DNTTIP1: variants seen among roughly 807,000 people sequenced by gnomAD.
DNTTIP1 encodes deoxynucleotidyltransferase terminal-interacting protein 1.
In DNTTIP1, 22 loss-of-function variants were observed where a neutral mutation model predicts 52.9. The observed-to-expected ratio is 0.42, with a 90% CI of 0.30 to 0.59. The LOEUF (loss-of-function observed/expected upper bound fraction) is 0.59, where lower values mean the gene tolerates loss of function less well. DNTTIP1 is among the 20% of genes least tolerant of loss of function. The probability of loss-of-function intolerance (pLI) is 0.22; values close to 1 mark genes in which losing one functional copy is unlikely to be tolerated. For missense variants in DNTTIP1, 286 were observed against 435.5 expected (o/e 0.66, Z 3.06); for synonymous variants, 136 against 155.1 (o/e 0.88, Z 0.92).
At chr20:45,795,496 C>T in intron 4 of DNTTIP1, 53 bp downstream of exon 4, 2 of 1,176,730 alleles carry the variant, frequency 1.7e-6, no homozygotes, top group Non-Finnish European at 2.5e-6. Context: ...TCTCGAGCCT[C>T]TGATAAGAAA....
At chr20:45,796,055 T>C (rs576758932) in intron 4 of DNTTIP1, among the ~76,000 whole-genome samples, 181 of 151,866 alleles carry the variant, frequency 1.2e-3, no homozygotes, top group African/African-American at 4.2e-3. Flanking sequence ...AAGCAGAGAG[T>C]AGAATGGCAG....
intron 3 of DNTTIP1, 111 bp downstream of exon 3, chr20:45,794,128 CT>C (rs1981148036): frequency 1.7e-6 from 1 of 593,932 alleles, no homozygotes; most frequent in Non-Finnish European, 2.8e-6. Flanking sequence ...TAAAGTTTTC[CT>C]TTCTTGTTGT....
chr20:45,791,965 G>C lies in DNTTIP1; in HGVS notation c.-40G>C, dbSNP rs753172412. 8.3e-7 allele frequency: 1 copy of C among 1,202,156 alleles called. No homozygotes were observed. Among genetic ancestry groups the C allele is most frequent in the Non-Finnish European group, 1.0e-6 (1 of 957,282 alleles). The allele number at this position is 1,202,156 out of a possible 1,614,324, so 74.5% of individuals were successfully genotyped here. A position where few individuals can be genotyped will look rare whatever the true frequency, so the allele number is the denominator to read the frequency against. On this transcript the variant is annotated 5_prime_UTR_variant, in exon 1 of 13. Transcript: ENST00000372622. ...GACGTCACGGCGCCACTTTCCGGCCGGTGACAGAGTCCAGCGGAGTTGTGG... is the reference window on the plus strand; with the variant it reads ...GACGTCACGGCGCCACTTTCCGGCCCGTGACAGAGTCCAGCGGAGTTGTGG...
chr20:45,804,826 C>T (rs1981581953), intron 8 of DNTTIP1, among the ~76,000 whole-genome samples: 1 of 152,212 alleles, frequency 6.6e-6, no homozygotes, highest in Non-Finnish European at 1.5e-5. Flanking sequence ...TCTAAGGAAG[C>T]CTTCCTGGCT....
chr20:45,800,686 AAAAAAAAAATATATATATAT>A (rs1981401986), intron 4 of DNTTIP1, among the ~76,000 whole-genome samples: 1 of 57,632 alleles, frequency 1.7e-5, no homozygotes, highest in African/African-American at 9.2e-5. Flanking sequence ...ATTTAAAAAA[AAAAAAAAAATATATATATAT>A]ATATATATAT....
Position 45,800,690 on chromosome 20 carries a change from AAAAAATATATATATATATATATATATAT to A in DNTTIP1, c.373-382_373-355del, listed in dbSNP as rs1424724027. ...ACTCCATCTCAATTTAAAAAAAAAA[AAAAAATATATATATATATATATATATAT>A]ATATATATATATATATATATATATA... On this transcript the variant is annotated intron_variant, in intron 4 of 12. Coordinates refer to ENST00000372622, the MANE Select transcript of DNTTIP1 (RefSeq NM_052951.3). Among the ~76,000 whole-genome samples, 69 of 52,348 alleles carry A rather than the reference AAAAAATATATATATATATATATATATAT, an allele frequency of 1.3e-3. 5 individuals are homozygous for A. The highest frequency in any genetic ancestry group is 3.9e-3 in the Admixed American group (13 of 3,306). 34.3% of individuals were successfully genotyped at this position (52,348 alleles called of 152,430 possible). A position where few individuals can be genotyped will look rare whatever the true frequency, so the allele number is the denominator to read the frequency against.
intron 8 of DNTTIP1, among the ~76,000 whole-genome samples, chr20:45,803,865 G>C (rs1469347503): frequency 6.6e-6 from 1 of 152,164 alleles, no homozygotes; most frequent in Non-Finnish European, 1.5e-5. Flanking sequence ...TGATCGAGCT[G>C]AGTCTCAAAC....
At chr20:45,796,361 C>A in intron 4 of DNTTIP1, 3 of 409,362 alleles carry the variant, frequency 7.3e-6, no homozygotes, top group Middle Eastern at 4.4e-4. Context: ...ATCAATAGAG[C>A]TAGAAAAAAA....
intron 4 of DNTTIP1, among the ~76,000 whole-genome samples, chr20:45,799,116 C>T (rs1274040152): frequency 6.6e-6 from 1 of 152,160 alleles, no homozygotes; most frequent in Non-Finnish European, 1.5e-5. Flanking sequence ...GTATATAAGT[C>T]TAGAGCTCAG....
At chr20:45,792,521 G>A (rs995374217) in intron 1 of DNTTIP1, 156 bp from the exon 2 acceptor site, 1 of 561,240 alleles carries the variant, frequency 1.8e-6, no homozygotes, top group Non-Finnish European at 3.1e-6. Context: ...CTTTTGTGGA[G>A]GAGGCCTTAC....
chr20:45,792,189 G>C (rs1392414280), intron 1 of DNTTIP1, 80 bp downstream of exon 1: 1 of 878,408 alleles, frequency 1.1e-6, no homozygotes, highest in East Asian at 3.3e-5. Flanking sequence ...GCGGGCGAGA[G>C]AACGCGGAGG....
At chr20:45,800,259 TTATG>T (rs1484141016) in intron 4 of DNTTIP1, among the ~76,000 whole-genome samples, 2 of 152,294 alleles carry the variant, frequency 1.3e-5, no homozygotes, top group African/African-American at 4.8e-5. Flanking sequence ...TAATAGTAGT[TTATG>T]TAATGAGATT....
In DNTTIP1 at chr20:45,792,004, C is replaced by T. The variant is rs1414039096; in HGVS notation, c.-1C>T. On this transcript the variant is annotated 5_prime_UTR_variant, in exon 1 of 13. Coordinates refer to ENST00000372622, the MANE Select transcript of DNTTIP1 (RefSeq NM_052951.3). ...GCGGAGTTGTGGGGGCCGGGGGCGC[C>T]ATGGGAGCCACTGGCGACGCCGAGC... is the stretch of plus-strand genomic sequence containing the variant. 7 of 1,258,944 alleles carry T rather than the reference C, an allele frequency of 5.6e-6. No homozygotes were observed. Among genetic ancestry groups the T allele is most frequent in the Non-Finnish European group, 7.0e-6 (7 of 1,000,748 alleles). The allele number at this position is 1,258,944 out of a possible 1,614,324, so 78.0% of individuals were successfully genotyped here. A position where few individuals can be genotyped will look rare whatever the true frequency, so the allele number is the denominator to read the frequency against.
At position 45,792,024 on chromosome 20, in the gene DNTTIP1, C is replaced by A; in HGVS notation, c.20C>A (p.Ala7Asp). 1 of 1,270,444 alleles carries A rather than the reference C, an allele frequency of 7.9e-7. No individual in the cohort carries two copies. Among genetic ancestry groups the A allele is most frequent in the East Asian group, 2.9e-5 (1 of 34,560 alleles). 78.7% of individuals were successfully genotyped at this position (1,270,444 alleles called of 1,614,324 possible). A position where few individuals can be genotyped will look rare whatever the true frequency, so the allele number is the denominator to read the frequency against. The change falls in exon 1 of 13, where the codon GCC becomes GAC. Residue 7 changes from alanine (A) to aspartate (D), a missense_variant. Transcript: ENST00000372622. ...GGCGCCATGGGAGCCACTGGCGACG[C>A]CGAGCAGCCGCGGGGACCTAGCGGG... The part of the protein sequence containing the change: MGATGD[A>D]EQPRGPSGAE...
chr20:45,803,033 T>TCACAAA lies in DNTTIP1; in HGVS notation c.558-294_558-289dup. 8.3e-6 allele frequency: 3 copies of TCACAAA among 360,856 alleles called. No individual in the cohort carries two copies. In the South Asian group the frequency reaches 1.1e-4, roughly 13 times the overall value. 22.4% of individuals were successfully genotyped at this position (360,856 alleles called of 1,614,324 possible). The stretch of plus-strand genomic sequence containing the variant: ...CTCCTACACGAAGCAGTTTTATTCC[T>TCACAAA]CACAAACACAAGATAGGTAGGGCAG... On this transcript the variant is annotated intron_variant, in intron 7 of 12. Transcript: ENST00000372622.
intron 1 of DNTTIP1, 38 bp downstream of exon 1, chr20:45,792,147 G>C: frequency 4.2e-6 from 5 of 1,182,498 alleles, no homozygotes; most frequent in Non-Finnish European, 5.4e-6. Flanking sequence ...CTCAGGCCGG[G>C]CACGGCCTCG....
At chr20:45,806,449 A>T (rs540792949) in intron 10 of DNTTIP1, among the ~76,000 whole-genome samples, 1 of 152,022 alleles carries the variant, frequency 6.6e-6, no homozygotes, top group South Asian at 2.1e-4. Flanking sequence ...TTTGGTCCCC[A>T]CTGTTTGAGG....
At chr20:45,793,307 A>G (rs1002229203) in intron 2 of DNTTIP1, among the ~76,000 whole-genome samples, 2 of 152,044 alleles carry the variant, frequency 1.3e-5, no homozygotes, top group African/African-American at 4.8e-5. Flanking sequence ...TCACGCCTGT[A>G]ATCCCAGCAC....
chr20:45,809,011 G>A lies in DNTTIP1; in HGVS notation c.724-103G>A, dbSNP rs1004147574. ...TAAGTCCACCACGCTTGGAGACAAGGACTTTTGGTAAGAACTGCTCAAGGG... is the reference window on the plus strand; with the variant it reads ...TAAGTCCACCACGCTTGGAGACAAGAACTTTTGGTAAGAACTGCTCAAGGG... On this transcript the variant is annotated intron_variant, in intron 10 of 12. Coordinates refer to ENST00000372622, the MANE Select transcript of DNTTIP1 (RefSeq NM_052951.3). The surrounding 1 kb of genome is among the most constrained non-coding windows in gnomAD (Gnocchi z 4.2). 1.0e-6 allele frequency: 1 copy of A among 1,000,650 alleles called. No individual in the cohort carries two copies. Among genetic ancestry groups the A allele is most frequent in the Non-Finnish European group, 1.5e-6 (1 of 646,680 alleles). 62.0% of individuals were successfully genotyped at this position (1,000,650 alleles called of 1,614,324 possible). A position where few individuals can be genotyped will look rare whatever the true frequency, so the allele number is the denominator to read the frequency against.
Sources: allele counts gnomAD v4.1 joint callset (sites outside exome capture counted in the v4.1 genomes callset), GRCh38; gene constraint gnomAD v4.1.1; non-coding constraint Gnocchi (gnomAD v3.1); transcripts MANE v1.5; gene names NCBI Gene and HGNC (gene_info 2026-07-23, HGNC 2026-07-21).